INSRR: variants seen among roughly 807,000 people sequenced by gnomAD.
INSRR encodes the protein insulin receptor related receptor.
Under a neutral mutation model 130.0 loss-of-function variants are expected in INSRR, and 114 were observed. The ratio of observed to expected loss-of-function variants is 0.88; its 90% confidence interval spans 0.75 to 1.02. The LOEUF (loss-of-function observed/expected upper bound fraction) is 1.02, where lower values mean the gene tolerates loss of function less well. INSRR is among the 50% of genes least tolerant of loss of function. The pLI is 0.00. For synonymous variants in INSRR, 674 were observed against 705.2 expected (o/e 0.96, Z 0.70); for missense variants, 1,657 against 1,735.2 (o/e 0.95, Z 0.80).
Position 156,844,493 on chromosome 1 carries a change from TGTCCAAGAGCCATTGCCAGCCA to T in INSRR, c.2684_2705del (p.Leu895GlnfsTer55), listed in dbSNP as rs1206142788. 5.0e-6 allele frequency: 8 copies of T among 1,614,132 alleles called. No individual in the cohort carries two copies. The highest frequency in any genetic ancestry group is 6.8e-6 in the Non-Finnish European group (8 of 1,180,010). The stretch of plus-strand genomic sequence containing the variant: ...CAAGGATGTAGAAGGCAACACTGTC[TGTCCAAGAGCCATTGCCAGCCA>T]GTGAGGTTGCCCTAACCCTGGCAGA... On this transcript the variant is annotated frameshift_variant, in exon 14 of 22. Transcript: ENST00000368195. LOFTEE classifies it high-confidence loss of function.
chr1:156,841,455 C>T lies in INSRR; in HGVS notation c.3601G>A (p.Val1201Met), dbSNP rs1002185894. Residue 1201 changes from valine (V) to methionine (M), a missense_variant, in exon 21 of 22, where the codon GTG becomes ATG. Physicochemically the swap from Val to Met is conservative, Grantham distance 21 (BLOSUM62 1). Transcript: ENST00000368195. Reference protein sequence around the residue: ...QPYQGLSNEQVLKFVMDGGVL... With the variant: ...QPYQGLSNEQMLKFVMDGGVL... ...CCGCCATCCATGACGAACTTCAGCACCTGCTCATTGGACAGGCCCTGGTAG... is the reference window on the plus strand; with the variant it reads ...CCGCCATCCATGACGAACTTCAGCATCTGCTCATTGGACAGGCCCTGGTAG... The T allele has an allele frequency of 1.9e-6, 3 of 1,614,030 alleles. No individual in the cohort carries two copies. The highest frequency in any genetic ancestry group is 2.5e-6 in the Non-Finnish European group (3 of 1,179,962).
In INSRR at chr1:156,841,539, G is replaced by T. The variant is rs1161610527; in HGVS notation, c.3528-11C>A. ...ACCACGCCAAAGGACCTGGGGGCAT[G>T]CAGGAGCTCCTGAGCCCAGCACCCT... is the stretch of plus-strand genomic sequence containing the variant. On this transcript the variant is annotated splice_polypyrimidine_tract_variant and intron_variant, in intron 20 of 21. Transcript: ENST00000368195. 6.2e-7 allele frequency: 1 copy of T among 1,614,020 alleles called. No homozygotes were observed. Among genetic ancestry groups the T allele is most frequent in the Non-Finnish European group, 8.5e-7 (1 of 1,179,964 alleles).
intron 7 of INSRR, among the ~76,000 whole-genome samples, chr1:156,848,073 C>G (rs115594142): frequency 1.3e-5 from 2 of 151,972 alleles, no homozygotes; most frequent in Non-Finnish European, 2.9e-5. Flanking sequence ...CAGTGGGGGG[C>G]GAGGCCCAGG....
rs1655026420 is a variant in INSRR at position 156,846,724 on chromosome 1, T to C, written c.1605A>G (p.Pro535=). The C allele has an allele frequency of 1.9e-6, 3 of 1,613,994 alleles. No homozygotes were observed. Among genetic ancestry groups the C allele is most frequent in the African/African-American group, 1.3e-5 (1 of 74,930 alleles). Residue 535 remains proline, a synonymous_variant, in exon 8 of 22, where the codon CCA becomes CCG. Transcript: ENST00000368195. ...TCCAGCTCTGGGTTCCACAAGCATC[T>C]GGACCCACGTGCTCTGTGGCGTTCT... ...PFQNATEHVG[P]DACGTQSWNL... is the part of the protein sequence containing the mutation.
chr1:156,841,319 C>T (rs1654770739), intron 21 of INSRR, 75 bp downstream of exon 21: 1 of 1,439,602 alleles, frequency 6.9e-7, no homozygotes, highest in Non-Finnish European at 9.7e-7. Flanking sequence ...AGGAGGTGAG[C>T]CAGAATCATG....
chr1:156,853,558 C>T (rs1031179693), intron 2 of INSRR, among the ~76,000 whole-genome samples, 194 bp downstream of exon 2: 7 of 152,218 alleles, frequency 4.6e-5, no homozygotes, highest in African/African-American at 1.7e-4. Context: ...TTGGGCCTAC[C>T]CCTTAGCTGT....
In INSRR at chr1:156,851,769, C is replaced by T. The variant is rs768442846; in HGVS notation, c.961G>A (p.Glu321Lys). Residue 321 changes from glutamate to lysine, a missense_variant, in exon 4 of 22, where the codon GAG becomes AAG. Glu to Lys is a moderately conservative substitution (Grantham distance 56). Coordinates refer to ENST00000368195, the MANE Select transcript of INSRR (RefSeq NM_014215.3). ...TTGCACTCTTTAGGGCACAGCCCCT[C>T]GCACTTGTGGCAGAATATGCTAGCA... is the stretch of plus-strand genomic sequence containing the variant. The part of the protein sequence containing the change: ...NSSSIFCHKC[E>K]GLCPKECKVG... 36 of 1,610,964 alleles carry T rather than the reference C, an allele frequency of 2.2e-5. No homozygotes were observed. In the East Asian group the frequency reaches 5.4e-4, roughly 24 times the overall value.
At chr1:156,847,668 T>TG (rs1468209481) in intron 7 of INSRR, among the ~76,000 whole-genome samples, 6 of 142,876 alleles carry the variant, frequency 4.2e-5, no homozygotes, top group Non-Finnish European at 7.6e-5. Context: ...AGGAGCAGGT[T>TG]GGGGGGGTGG....
rs763491847 is a variant in INSRR, at chr1:156,849,352, C to T, written c.1338G>A (p.Pro446=). 5.0e-6 allele frequency: 8 copies of T among 1,613,876 alleles called. No homozygotes were observed. In the South Asian group the frequency reaches 8.8e-5, roughly 18 times the overall value. ...PVGKIYFAFN[P]RLCLEHIYRL... Reference sequence around the variant, plus strand: ...GGTAGATGTGTTCCAAGCAGAGGCGCGGGTTGAAGGCGAAGTAGATCTTGC... The same window carrying T: ...GGTAGATGTGTTCCAAGCAGAGGCGTGGGTTGAAGGCGAAGTAGATCTTGC... Residue 446 remains proline (P), a synonymous_variant, in exon 6 of 22, where the codon CCG becomes CCA. Transcript: ENST00000368195.
chr1:156,851,211 C>T (rs1380725774), intron 5 of INSRR, 79 bp downstream of exon 5: 1 of 1,563,336 alleles, frequency 6.4e-7, no homozygotes, highest in Non-Finnish European at 8.8e-7. Flanking sequence ...GTTCCAGAGC[C>T]CATTCTCTTC....
Position 156,854,276 on chromosome 1 carries a change from T to A in INSRR, c.113A>T (p.Glu38Val). 6.2e-7 allele frequency: 1 copy of A among 1,612,770 alleles called. No homozygotes were observed. Among genetic ancestry groups the A allele is most frequent in the Non-Finnish European group, 8.5e-7 (1 of 1,179,618 alleles). ...EVCPSLDIRS[E>V]VAELRQLENC... Reference sequence around the variant, plus strand: ...CTCCAGCTGACGAAGCTCTGCCACCTCTGAGCGAATATCCAGGCTGGGGCA... The same window carrying A: ...CTCCAGCTGACGAAGCTCTGCCACCACTGAGCGAATATCCAGGCTGGGGCA... The change falls in exon 2 of 22, where the codon GAG (glutamate) becomes GTG (valine). Residue 38 changes from glutamate to valine, a missense_variant. By Grantham distance (121) the Glu-to-Val change is moderately radical. Transcript: ENST00000368195. The surrounding 1 kb of genome is among the most constrained non-coding windows in gnomAD (Gnocchi z 4.2).
At chr1:156,853,070 T>G (rs2102868717) in intron 2 of INSRR, among the ~76,000 whole-genome samples, 1 of 152,188 alleles carries the variant, frequency 6.6e-6, no homozygotes, top group Admixed American at 6.6e-5. Flanking sequence ...TCTTTCCTCC[T>G]TTCTCCTTTC....
At chr1:156,849,224 G>A in intron 6 of INSRR, 22 bp downstream of exon 6, 1 of 1,611,886 alleles carries the variant, frequency 6.2e-7, no homozygotes, top group East Asian at 2.2e-5. Context: ...CGTGTCCACC[G>A]GCACTGGGGT....
chr1:156,844,094 CT>C (rs1296651742), intron 15 of INSRR, 80 bp downstream of exon 15: 1 of 998,270 alleles, frequency 1.0e-6, no homozygotes, highest in African/African-American at 1.6e-5. Flanking sequence ...TTTCTACTGT[CT>C]CATCTACCTC....
rs759671540 is a variant in INSRR, at chr1:156,840,958, C to G, written c.3809G>C (p.Gly1270Ala). ...CTCTGCATCGGTGGTAGGCAGGGAG[C>G]CCCGGGCCCCCCGGCATTCCGGGCT... Reference protein sequence around the residue: ...YYSPECRGARGSLPTTDAEPD... With the variant: ...YYSPECRGARASLPTTDAEPD... Residue 1270 changes from glycine to alanine, a missense_variant, in exon 22 of 22, where the codon GGC (glycine) becomes GCC (alanine). Gly to Ala is a moderately conservative substitution (Grantham distance 60). Coordinates refer to ENST00000368195, the MANE Select transcript of INSRR (RefSeq NM_014215.3). The G allele has an allele frequency of 7.4e-6, 12 of 1,613,724 alleles. No homozygotes were observed. Among genetic ancestry groups the G allele is most frequent in the African/African-American group, 4.0e-5 (3 of 74,926 alleles).
intron 7 of INSRR, among the ~76,000 whole-genome samples, chr1:156,847,557 A>G (rs79177042): frequency 1.3e-5 from 2 of 152,318 alleles, no homozygotes; most frequent in East Asian, 3.9e-4. Flanking sequence ...ATGCTGAGCC[A>G]GGGACAAAAC....
intron 18 of INSRR, 40 bp downstream of exon 18, chr1:156,842,358 C>A: frequency 6.2e-7 from 1 of 1,612,662 alleles, no homozygotes. Context: ...ACACTGTGCC[C>A]AACCCTTCTT....
chr1:156,854,336 C>G lies in INSRR; in HGVS notation c.86-33G>C, dbSNP rs760268391. ...CATACACGGCACGCAGCATTGAGTA[C>G]AGCCCAGGCCAAATTCCCCATCCAG... On this transcript the variant is annotated intron_variant, in intron 1 of 21. Coordinates refer to ENST00000368195, the MANE Select transcript of INSRR (RefSeq NM_014215.3). This position sits in a 1 kb window ranked among gnomAD's most constrained non-coding sequence, Gnocchi z 4.2. 5.7e-5 allele frequency: 88 copies of G among 1,555,340 alleles called. No individual in the cohort carries two copies. Among genetic ancestry groups the G allele is most frequent in the Non-Finnish European group, 7.2e-5 (83 of 1,150,204 alleles).
rs369180208 is a variant in INSRR, at chr1:156,843,225, G to T, written c.2905C>A (p.Pro969Thr). 8.1e-6 allele frequency: 13 copies of T among 1,613,864 alleles called. No homozygotes were observed. The highest frequency in any genetic ancestry group is 6.7e-5 in the African/African-American group (5 of 74,898). The change falls in exon 17 of 22, where the codon CCT becomes ACT. Residue 969 changes from proline to threonine, a missense_variant. Transcript: ENST00000368195. Reference protein sequence around the residue: ...EYFSASDMYVPDEWEVPREQI... With the variant: ...EYFSASDMYVTDEWEVPREQI... ...TCCCGAGGCACCTCCCATTCATCAG[G>T]GACATACACTGCAAGGAGGTGGAGG...
Sources: allele counts gnomAD v4.1 joint callset (sites outside exome capture counted in the v4.1 genomes callset), GRCh38; gene constraint gnomAD v4.1.1; non-coding constraint Gnocchi (gnomAD v3.1); transcripts MANE v1.5; gene names NCBI Gene and HGNC (gene_info 2026-07-23, HGNC 2026-07-21).